Variants in ANO7 observed in about 807,000 individuals in gnomAD.
ANO7 encodes anoctamin 7.
Under a neutral mutation model 115.8 loss-of-function variants are expected in ANO7, and 114 were observed. The observed-to-expected ratio is 0.98, with a 90% CI of 0.85 to 1.15. The LOEUF is 1.15. ANO7 is among the 50% of genes most tolerant of loss of function. The pLI is 0.00. For missense variants in ANO7, 1,302 were observed against 1,201.2 expected (o/e 1.08, Z -1.24); for synonymous variants, 550 against 498.2 (o/e 1.10, Z -1.38).
the ANO7 span, chr2:241,240,257 C>A: frequency 2.5e-6 from 2 of 809,386 alleles, no homozygotes; most frequent in East Asian, 2.5e-5. This position sits in a 1 kb window ranked among gnomAD's most constrained non-coding sequence, Gnocchi z 5.5. Context: ...TGCACCAATA[C>A]CCCCAAAATG....
At chr2:241,193,648 A>G (rs1358151277) in intron 3 of ANO7, among the ~76,000 whole-genome samples, 4 of 152,196 alleles carry the variant, frequency 2.6e-5, no homozygotes, top group Non-Finnish European at 5.9e-5. Context: ...CCTTTTATCA[A>G]TATTAATTGT....
At chr2:241,202,155 G>A (rs374486716) in intron 7 of ANO7, 39 bp from the exon 8 acceptor site, 10 of 1,569,234 alleles carry the variant, frequency 6.4e-6, no homozygotes, top group East Asian at 4.5e-5. Flanking sequence ...CTGCTATCAC[G>A]TGACAAGTGA....
rs766599972 is a variant in ANO7, at chr2:241,210,567, T to G, written c.1558T>G (p.Trp520Gly). 3.0e-5 allele frequency: 49 copies of G among 1,613,224 alleles called. No individual in the cohort carries two copies. The highest frequency in any genetic ancestry group is 3.9e-5 in the Non-Finnish European group (46 of 1,179,818). The change falls in exon 15 of 25, where the codon TGG (tryptophan) becomes GGG (glycine). Residue 520 changes from tryptophan to glycine, a missense_variant. Coordinates refer to ENST00000674324, the MANE Select transcript of ANO7 (RefSeq NM_001370694.2). ...YVSLAHVLTRWEMHRTQTKFE... is the reference protein window; with the variant it reads ...YVSLAHVLTRGEMHRTQTKFE... The stretch of plus-strand genomic sequence containing the variant: ...ATCCCTGGCCCACGTCCTGACACGA[T>G]GGGGTGAGTGGGCTGAGGCCGGCCA...
rs1425639127 is a variant in ANO7, at chr2:241,217,543, G to C, written c.1973-143G>C. ...GCCCTGGCGCTGCGCGGTCCAGGAC[G>C]AGGGAGACCAGGAGGTGGGGGCGGA... On this transcript the variant is annotated intron_variant, in intron 19 of 24. Coordinates refer to ENST00000674324, the MANE Select transcript of ANO7 (RefSeq NM_001370694.2). 2.3e-5 allele frequency: 22 copies of C among 968,084 alleles called. 2 individuals are homozygous for C. Among genetic ancestry groups the C allele is most frequent in the Non-Finnish European group, 3.2e-5 (21 of 654,260 alleles). 60.0% of individuals were successfully genotyped at this position (968,084 alleles called of 1,614,324 possible). A position where few individuals can be genotyped will look rare whatever the true frequency, so the allele number is the denominator to read the frequency against.
Position 241,212,624 on chromosome 2 carries a change from G to C in ANO7, c.1726G>C (p.Glu576Gln), listed in dbSNP as rs148425768. 7.8e-5 allele frequency: 126 copies of C among 1,612,742 alleles called. No individual in the cohort carries two copies. The African/African-American group carries it at 1.2e-3, about 16-fold the overall frequency. ...CACCTTGTTTGGAGTCCGCAATGAG[G>C]AGGTGAGTGTGCCTGAGGCCCGGGA... ...YHTLFGVRNEECAAGGCLIEL... is the reference protein window; with the variant it reads ...YHTLFGVRNEQCAAGGCLIEL... Residue 576 changes from glutamate (E) to glutamine (Q), a missense_variant and splice_region_variant, in exon 17 of 25, where the codon GAG (glutamate) becomes CAG (glutamine). Glu to Gln is a conservative substitution (Grantham distance 29). Transcript: ENST00000674324.
chr2:241,224,486 T>C lies in ANO7; in HGVS notation c.*333T>C, dbSNP rs565706255. The C allele has an allele frequency of 2.5e-4, 86 of 348,964 alleles. 1 individual carries two copies. In the South Asian group the frequency reaches 3.2e-3, roughly 13 times the overall value. The allele number at this position is 348,964 out of a possible 1,614,324, so 21.6% of individuals were successfully genotyped here. ...GACACGACAGTTCTCCTCAGGCAGGTGGGCTTTGTGGTCCTCGCCGCCCCT... is the reference window on the plus strand; with the variant it reads ...GACACGACAGTTCTCCTCAGGCAGGCGGGCTTTGTGGTCCTCGCCGCCCCT... On this transcript the variant is annotated 3_prime_UTR_variant, in exon 25 of 25. Coordinates refer to ENST00000674324, the MANE Select transcript of ANO7 (RefSeq NM_001370694.2).
chr2:241,202,113 C>T (rs1007492489), intron 7 of ANO7, 81 bp from the exon 8 acceptor site: 4 of 1,239,652 alleles, frequency 3.2e-6, no homozygotes, highest in Non-Finnish European at 4.7e-6. Context: ...ATGGCCTTGG[C>T]CTAAAGACAG....
In ANO7 at chr2:241,191,236, G is replaced by A. The variant is rs780910752; in HGVS notation, c.151G>A (p.Ala51Thr). ...QAAACRAGSP[A>T]KPRIADFVLV... ...GGCCGCCTGCAGAGCTGGGAGTCCT[G>A]CCAAGCCCCGGATCGGTGAGCCCCT... The change falls in exon 3 of 25, where the codon GCC becomes ACC. Residue 51 changes from alanine (A) to threonine (T), a missense_variant. By Grantham distance (58) the Ala-to-Thr change is moderately conservative. Coordinates refer to ENST00000674324, the MANE Select transcript of ANO7 (RefSeq NM_001370694.2). The A allele has an allele frequency of 5.6e-6, 9 of 1,613,800 alleles. No individual in the cohort carries two copies. Among genetic ancestry groups the A allele is most frequent in the Non-Finnish European group, 7.6e-6 (9 of 1,179,924 alleles).
At position 241,195,850 on chromosome 2, in the gene ANO7, G is replaced by A. The variant is rs77559646; in HGVS notation, c.309+5G>A. ...GCTGGGCTGTGTGTAGACCAGGTAC[G>A]TGGAGGCTGTCATGGGCAGGGCCCT... is the stretch of plus-strand genomic sequence containing the variant. On this transcript the variant is annotated splice_donor_5th_base_variant and intron_variant, in intron 4 of 24. Transcript: ENST00000674324. 0.018 allele frequency: 28,489 copies of A among 1,614,206 alleles called. 323 individuals carry two copies. The highest frequency in any genetic ancestry group is 0.021 in the Non-Finnish European group (24,730 of 1,180,024).
chr2:241,223,598 G>C, intron 22 of ANO7, 64 bp from the exon 23 acceptor site: 1 of 1,584,256 alleles, frequency 6.3e-7, no homozygotes, highest in Non-Finnish European at 8.6e-7. Context: ...GCCCCGGCCT[G>C]CCTGGCCCTG....
chr2:241,236,976 T>C, the ANO7 span, among the ~76,000 whole-genome samples: 32 of 3,758 alleles, frequency 8.5e-3, no homozygotes, highest in African/African-American at 0.031. Flanking sequence ...CTCCCAGACC[T>C]TGGGGGGGGG....
rs776890700 is a variant in ANO7, at chr2:241,218,288, G to C, written c.2228G>C (p.Arg743Pro). 11 of 1,535,714 alleles carry C rather than the reference G, an allele frequency of 7.2e-6. No homozygotes were observed. The highest frequency in any genetic ancestry group is 1.9e-5 in the Admixed American group (1 of 53,412). ...SSDFLPRAYY[R>P]WTRAHDLRGF... ...GACTTCCTGCCGCGCGCCTACTACC[G>C]GTGGACCCGCGCCCACGACCTGCGC... The change falls in exon 21 of 25, where the codon CGG becomes CCG. Residue 743 changes from arginine (R) to proline (P), a missense_variant. Transcript: ENST00000674324.
the ANO7 span, among the ~76,000 whole-genome samples, chr2:241,234,581 C>T: frequency 6.6e-6 from 1 of 152,232 alleles, no homozygotes; most frequent in Admixed American, 6.5e-5. Flanking sequence ...GTTCCAGAAC[C>T]CCTGCTCCTG....
At position 241,188,787 on chromosome 2, in the gene ANO7, T is replaced by G; in HGVS notation, c.-8+21T>G. 10 of 1,604,940 alleles carry G rather than the reference T, an allele frequency of 6.2e-6. No homozygotes were observed. The highest frequency in any genetic ancestry group is 7.7e-6 in the Non-Finnish European group (9 of 1,175,226). ...GCCAGGTGGGGACCCAGCCTAGACG[T>G]GTGGGCCACAGGGAGAAGGTGGAGC... On this transcript the variant is annotated intron_variant, in intron 1 of 24. Transcript: ENST00000674324. This position sits in a 1 kb window ranked among gnomAD's most constrained non-coding sequence, Gnocchi z 4.3.
intron 17 of ANO7, among the ~76,000 whole-genome samples, chr2:241,214,394 C>A (rs554071414): frequency 6.6e-6 from 1 of 152,234 alleles, no homozygotes; most frequent in Non-Finnish European, 1.5e-5. Flanking sequence ...CCGACACTCT[C>A]GGACTTAGCA....
the ANO7 span, among the ~76,000 whole-genome samples, chr2:241,238,101 TGA>T: frequency 6.6e-6 from 1 of 152,122 alleles, no homozygotes; most frequent in African/African-American, 2.4e-5. This position sits in a 1 kb window ranked among gnomAD's most constrained non-coding sequence, Gnocchi z 4.9. Context: ...GCAGAGCAAG[TGA>T]GAGAGAGGCA....
chr2:241,223,439 C>T lies in ANO7; in HGVS notation c.2412+163C>T, dbSNP rs113272235. The T allele has an allele frequency of 1.7e-3, 1,753 of 1,057,220 alleles. 18 individuals carry two copies. The African/African-American group carries it at 0.024, about 14-fold the overall frequency. The allele number at this position is 1,057,220 out of a possible 1,614,324, so 65.5% of individuals were successfully genotyped here. A position where few individuals can be genotyped will look rare whatever the true frequency, so the allele number is the denominator to read the frequency against. ...TGCACCTGCGTTTTCCCTGCCTGGC[C>T]TCATCCCTGGGTTGTGGTGTGGACA... On this transcript the variant is annotated intron_variant, in intron 22 of 24. Transcript: ENST00000674324.
the ANO7 span, among the ~76,000 whole-genome samples, chr2:241,238,090 T>C: frequency 6.6e-6 from 1 of 152,216 alleles, no homozygotes; most frequent in Admixed American, 6.5e-5. This position sits in a 1 kb window ranked among gnomAD's most constrained non-coding sequence, Gnocchi z 4.9. Flanking sequence ...GTTTCACAAA[T>C]GCAGAGCAAG....
Position 241,218,229 on chromosome 2 carries a change from C to T in ANO7, c.2179-10C>T, listed in dbSNP as rs1002978412. ...GGGGGCCGCCTCGCGCTGACCCCTCCGGCGCCCAGGCCTTCCTCCTGGCCT... is the reference window on the plus strand; with the variant it reads ...GGGGGCCGCCTCGCGCTGACCCCTCTGGCGCCCAGGCCTTCCTCCTGGCCT... On this transcript the variant is annotated splice_polypyrimidine_tract_variant and intron_variant, in intron 20 of 24. Transcript: ENST00000674324. 78 of 1,469,956 alleles carry T rather than the reference C, an allele frequency of 5.3e-5. No individual in the cohort carries two copies. Among genetic ancestry groups the T allele is most frequent in the Non-Finnish European group, 6.9e-5 (77 of 1,114,370 alleles). 91.1% of individuals were successfully genotyped at this position (1,469,956 alleles called of 1,614,324 possible).
Sources: gnomAD v4.1 joint callset for allele counts (sites outside exome capture counted in the v4.1 genomes callset) on GRCh38, gnomAD v4.1.1 for gene constraint, Gnocchi (gnomAD v3.1) non-coding constraint, MANE v1.5 for transcripts, NCBI Gene and HGNC (gene_info 2026-07-23, HGNC 2026-07-21) for gene names.